Variants in ZNF211 observed in about 807,000 individuals in gnomAD.
The protein encoded by ZNF211 is zinc finger protein C2H2-25.
In ZNF211, 18 loss-of-function variants were observed where a neutral mutation model predicts 12.1. The observed-to-expected ratio is 1.48, with a 90% CI of 1.03 to 2.20. The LOEUF (loss-of-function observed/expected upper bound fraction) is 2.20. ZNF211 is among the 30% of genes most tolerant of loss of function. ZNF211 has a pLI of 0.00. For missense variants in ZNF211, 677 were observed against 703.1 expected (o/e 0.96, Z 0.42); for synonymous variants, 249 against 246.0 (o/e 1.01, Z -0.11).
intron 3 of ZNF211, among the ~76,000 whole-genome samples, chr19:57,639,236 T>A (rs1016926285): frequency 6.6e-6 from 1 of 151,822 alleles, no homozygotes; most frequent in Non-Finnish European, 1.5e-5. Flanking sequence ...TTTAAGGTAA[T>A]CACTGATAAG....
rs1208475285 is a variant in ZNF211, at chr19:57,643,839, A to T, written c.*1658A>T. On this transcript the variant is annotated 3_prime_UTR_variant, in exon 4 of 4. Coordinates refer to ENST00000240731, the MANE Select transcript of ZNF211 (RefSeq NM_006385.5). ...TGTATTTTCTATAATATATGATTTT[A>T]TTAATAAAATGTCTTTTTTTCCAGT... is the stretch of plus-strand genomic sequence containing the variant. 2.0e-5 allele frequency among the ~76,000 whole-genome samples: 3 copies of T among 152,132 alleles called. No homozygotes were observed. The highest frequency in any genetic ancestry group is 4.8e-5 in the African/African-American group (2 of 41,414).
chr19:57,633,844 T>A (rs554598068), intron 1 of ZNF211, 179 bp from the exon 2 acceptor site: 18 of 1,597,294 alleles, frequency 1.1e-5, no homozygotes, highest in Non-Finnish European at 1.4e-5. Context: ...CAGAGGGAGG[T>A]TGAATATTTT....
intron 3 of ZNF211, among the ~76,000 whole-genome samples, chr19:57,638,250 GAT>G (rs1491317830): frequency 8.0e-6 from 1 of 125,280 alleles, no homozygotes; most frequent in Non-Finnish European, 1.8e-5. Flanking sequence ...TGGTTTTGTT[GAT>G]TTTTTTTTTA....
chr19:57,640,570 T>A (rs1243191126), intron 3 of ZNF211, 134 bp from the exon 4 acceptor site: 2 of 1,155,490 alleles, frequency 1.7e-6, no homozygotes, highest in Non-Finnish European at 2.4e-6. Flanking sequence ...TTCCTCAACC[T>A]GACCCCCCAA....
In ZNF211 at chr19:57,634,010, C is replaced by T; in HGVS notation, c.91-13C>T. ...CATGATCACATTCCTCTGAGGCCTG[C>T]GTCTTTCCACAGGTTCCCATAGCTA... On this transcript the variant is annotated splice_polypyrimidine_tract_variant and intron_variant, in intron 1 of 3. Coordinates refer to ENST00000240731, the MANE Select transcript of ZNF211 (RefSeq NM_006385.5). 6.3e-7 allele frequency: 1 copy of T among 1,591,660 alleles called. No homozygotes were observed. The highest frequency in any genetic ancestry group is 8.5e-7 in the Non-Finnish European group (1 of 1,170,310).
intron 1 of ZNF211, chr19:57,633,725 CAT>C: frequency 2.6e-6 from 4 of 1,533,378 alleles, no homozygotes; most frequent in Non-Finnish European, 3.5e-6. Context: ...CCGTGGGAGC[CAT>C]AGAGAGCTTG....
chr19:57,642,373 T>C lies in ZNF211; in HGVS notation c.*192T>C. The C allele has an allele frequency of 1.6e-6, 1 of 621,856 alleles. No homozygotes were observed. The highest frequency in any genetic ancestry group is 2.7e-6 in the Non-Finnish European group (1 of 376,610). 38.5% of individuals were successfully genotyped at this position (621,856 alleles called of 1,614,324 possible). A position where few individuals can be genotyped will look rare whatever the true frequency, so the allele number is the denominator to read the frequency against. On this transcript the variant is annotated 3_prime_UTR_variant, in exon 4 of 4. Coordinates refer to ENST00000240731, the MANE Select transcript of ZNF211 (RefSeq NM_006385.5). Reference sequence around the variant, plus strand: ...AAGTGTTAGACTTTCTCACCTGCCATTTATGGCTCTTGCCGTTTATGTCAC... The same window carrying C: ...AAGTGTTAGACTTTCTCACCTGCCACTTATGGCTCTTGCCGTTTATGTCAC...
At chr19:57,638,998 T>C (rs951950000) in intron 3 of ZNF211, among the ~76,000 whole-genome samples, 1 of 152,172 alleles carries the variant, frequency 6.6e-6, no homozygotes, top group African/African-American at 2.4e-5. Context: ...AAATCTCTAT[T>C]GTATGATATT....
rs752769871 is a variant in ZNF211 at position 57,641,886 on chromosome 19, A to G, written c.1439A>G (p.Asn480Ser). ...ECGKSFSHSS[N>S]LKNHQRVHTG... ...GGGAAATCCTTTAGCCATAGCTCCAACCTTAAGAACCACCAGAGAGTTCAC... is the reference window on the plus strand; with the variant it reads ...GGGAAATCCTTTAGCCATAGCTCCAGCCTTAAGAACCACCAGAGAGTTCAC... The change falls in exon 4 of 4, where the codon AAC (asparagine) becomes AGC (serine). Residue 480 changes from asparagine (N) to serine (S), a missense_variant. Asn to Ser is a conservative substitution (Grantham distance 46, BLOSUM62 1). Coordinates refer to ENST00000240731, the MANE Select transcript of ZNF211 (RefSeq NM_006385.5). The G allele has an allele frequency of 1.2e-6, 2 of 1,612,336 alleles. No individual in the cohort carries two copies. Among genetic ancestry groups the G allele is most frequent in the Non-Finnish European group, 1.7e-6 (2 of 1,179,548 alleles).
Position 57,641,876 on chromosome 19 carries a change from C to T in ZNF211, c.1429C>T (p.His477Tyr), listed in dbSNP as rs754395864. 6.2e-7 allele frequency: 1 copy of T among 1,614,096 alleles called. No homozygotes were observed. Among genetic ancestry groups the T allele is most frequent in the Non-Finnish European group, 8.5e-7 (1 of 1,180,020 alleles). ...VCGECGKSFS[H>Y]SSNLKNHQRV... ...TGGGGAATGTGGGAAATCCTTTAGCCATAGCTCCAACCTTAAGAACCACCA... is the reference window on the plus strand; with the variant it reads ...TGGGGAATGTGGGAAATCCTTTAGCTATAGCTCCAACCTTAAGAACCACCA... The change falls in exon 4 of 4, where the codon CAT becomes TAT. Residue 477 changes from histidine (H) to tyrosine (Y), a missense_variant. Physicochemically the swap from His to Tyr is moderately conservative, Grantham distance 83. Coordinates refer to ENST00000240731, the MANE Select transcript of ZNF211 (RefSeq NM_006385.5).
rs749663242 is a variant in ZNF211, at chr19:57,635,086, T to G, written c.256+331T>G. 89 of 513,636 alleles carry G rather than the reference T, an allele frequency of 1.7e-4. 1 individual carries two copies. The highest frequency in any genetic ancestry group is 2.1e-4 in the Non-Finnish European group (85 of 399,196). 31.8% of individuals were successfully genotyped at this position (513,636 alleles called of 1,614,324 possible). A position where few individuals can be genotyped will look rare whatever the true frequency, so the allele number is the denominator to read the frequency against. On this transcript the variant is annotated intron_variant, in intron 3 of 3. Transcript: ENST00000240731. ...CATTTATTTGTGCTAGACTGTGACA[T>G]GAAATGTAGTCACTGACATTGCCAC...
chr19:57,639,717 C>T (rs550892177), intron 3 of ZNF211, among the ~76,000 whole-genome samples: 10 of 152,104 alleles, frequency 6.6e-5, no homozygotes, highest in South Asian at 4.1e-4. Flanking sequence ...TGAGCCACCA[C>T]GCCCAGTTCT....
Position 57,633,198 on chromosome 19 carries a change from T to G in ZNF211, c.-149T>G. ...GGGACTTGTGGCGTCTTCGCAGCGG[T>G]CATTTTGGCTGCCCTCCCGGAGGTC... is the stretch of plus-strand genomic sequence containing the variant. On this transcript the variant is annotated 5_prime_UTR_variant, in exon 1 of 4. Coordinates refer to ENST00000240731, the MANE Select transcript of ZNF211 (RefSeq NM_006385.5). 2.8e-6 allele frequency: 2 copies of G among 704,570 alleles called. No individual in the cohort carries two copies. The highest frequency in any genetic ancestry group is 4.4e-6 in the Non-Finnish European group (2 of 457,286). 43.6% of individuals were successfully genotyped at this position (704,570 alleles called of 1,614,324 possible). A position where few individuals can be genotyped will look rare whatever the true frequency, so the allele number is the denominator to read the frequency against.
chr19:57,640,591 C>T (rs73064531), intron 3 of ZNF211, 113 bp from the exon 4 acceptor site: 220,453 of 1,377,794 alleles, frequency 0.16, 18,511 homozygotes, highest in East Asian at 0.3. Flanking sequence ...CTCACTTTTC[C>T]TAAAAACAGG....
chr19:57,639,762 T>TG, intron 3 of ZNF211: 1 of 864,912 alleles, frequency 1.2e-6, no homozygotes, highest in Non-Finnish European at 1.7e-6. Flanking sequence ...TTTAAAATAG[T>TG]TACCATGGGG....
At position 57,634,744 on chromosome 19, in the gene ZNF211, C is replaced by T. The variant is rs150951576; in HGVS notation, c.245C>T (p.Thr82Met). ...FDVMLENFAL[T>M]SSLGCWCGVE... ...GTGATGCTGGAGAACTTTGCACTTA[C>T]GTCCTCCCTGGGTAAGGCCCTCATA... The change falls in exon 3 of 4, where the codon ACG (threonine) becomes ATG (methionine). Residue 82 changes from threonine (T) to methionine (M), a missense_variant. Transcript: ENST00000240731. 5.7e-4 allele frequency: 909 copies of T among 1,598,080 alleles called. 8 individuals are homozygous for T. In the African/African-American group the frequency reaches 0.011, roughly 20 times the overall value.
Position 57,642,346 on chromosome 19 carries a change from G to C in ZNF211, c.*165G>C. On this transcript the variant is annotated 3_prime_UTR_variant, in exon 4 of 4. Coordinates refer to ENST00000240731, the MANE Select transcript of ZNF211 (RefSeq NM_006385.5). ...GTTACACTTTCTAACATGCCATTTA[G>C]AAAGTGTTAGACTTTCTCACCTGCC... The C allele has an allele frequency of 1.3e-6, 1 of 763,020 alleles. No individual in the cohort carries two copies. The highest frequency in any genetic ancestry group is 2.0e-6 in the Non-Finnish European group (1 of 492,524). 47.3% of individuals were successfully genotyped at this position (763,020 alleles called of 1,614,324 possible). A position where few individuals can be genotyped will look rare whatever the true frequency, so the allele number is the denominator to read the frequency against.
intron 3 of ZNF211, among the ~76,000 whole-genome samples, chr19:57,639,461 C>T: frequency 8.0e-6 from 1 of 124,854 alleles, no homozygotes; most frequent in South Asian, 2.7e-4. Context: ...ACTCTGTTGC[C>T]CAGGCTGGAG....
At position 57,641,570 on chromosome 19, in the gene ZNF211, G is replaced by A; in HGVS notation, c.1123G>A (p.Val375Ile). The change falls in exon 4 of 4, where the codon GTT becomes ATT. Residue 375 changes from valine (V) to isoleucine (I), a missense_variant. Val to Ile is a conservative substitution (Grantham distance 29). Transcript: ENST00000240731. ...QRSNLMQHRR[V>I]HTGERPYECS... ...GTCCAACCTCATGCAGCATCGCAGAGTTCACACTGGAGAAAGGCCTTATGA... is the reference window on the plus strand; with the variant it reads ...GTCCAACCTCATGCAGCATCGCAGAATTCACACTGGAGAAAGGCCTTATGA... 6.2e-7 allele frequency: 1 copy of A among 1,614,128 alleles called. No individual in the cohort carries two copies. The highest frequency in any genetic ancestry group is 1.1e-5 in the South Asian group (1 of 91,080).
Sources: gnomAD v4.1 joint callset for allele counts (sites outside exome capture counted in the v4.1 genomes callset) on GRCh38, gnomAD v4.1.1 for gene constraint, MANE v1.5 for transcripts, NCBI Gene and HGNC (gene_info 2026-07-23, HGNC 2026-07-21) for gene names.